Variants in LTBP2 observed in about 807,000 individuals in gnomAD.
LTBP2 encodes the protein latent transforming growth factor beta binding protein 2.
LTBP2 carries 103 observed loss-of-function variants against 210.6 expected under a neutral mutation model. That is an observed-to-expected ratio of 0.49 (90% CI 0.42 to 0.58). LTBP2 has a LOEUF of 0.58. Among genes scored for constraint, LTBP2 ranks in the 20% least tolerant of loss-of-function variants. LTBP2 has a pLI of 0.00. For missense variants in LTBP2, 2,313 were observed against 2,494.5 expected, an observed-to-expected ratio of 0.93 and a Z score of 1.55; for synonymous variants, 1,007 against 1,015.0, an observed-to-expected ratio of 0.99 and a Z score of 0.15.
rs2087208859 is a variant in LTBP2 at position 74,521,970 on chromosome 14, G to T, written c.2729C>A (p.Ser910Tyr). The T allele has an allele frequency of 6.2e-7, 1 of 1,614,198 alleles. No individual in the cohort carries two copies. Among genetic ancestry groups the T allele is most frequent in the Non-Finnish European group, 8.5e-7 (1 of 1,180,018 alleles). ...AGTGTAGCCAGGGTAGCAGAAGCAGGAGTAGGACCCCACGCGGTTGATGCA... is the reference window on the plus strand; with the variant it reads ...AGTGTAGCCAGGGTAGCAGAAGCAGTAGTAGGACCCCACGCGGTTGATGCA... ...GRCINRVGSY[S>Y]CFCYPGYTLA... The change falls in exon 17 of 36, where the codon TCC (serine) becomes TAC (tyrosine). Residue 910 changes from serine (S) to tyrosine (Y), a missense_variant. Coordinates refer to ENST00000261978, the MANE Select transcript of LTBP2 (RefSeq NM_000428.3).
At position 74,508,055 on chromosome 14, in the gene LTBP2, C is replaced by T. The variant is rs1026662166; in HGVS notation, c.3693G>A (p.Gly1231=). ...AGGAGCCCTCGGTGTTGACACAGTG[C>T]CCTCCCACACACGGGTCTGTGGTGG... The part of the protein sequence containing the change: ...ECATTDPCVG[G]HCVNTEGSFN... Residue 1231 remains glycine (G), a synonymous_variant, in exon 25 of 36, where the codon GGG becomes GGA. Coordinates refer to ENST00000261978, the MANE Select transcript of LTBP2 (RefSeq NM_000428.3). 3.1e-6 allele frequency: 5 copies of T among 1,613,804 alleles called. No homozygotes were observed. The highest frequency in any genetic ancestry group is 1.3e-5 in the African/African-American group (1 of 74,936).
chr14:74,507,287 C>T lies in LTBP2; in HGVS notation c.3799G>A (p.Gly1267Arg). 1 of 1,614,182 alleles carries T rather than the reference C, an allele frequency of 6.2e-7. No individual in the cohort carries two copies. Among genetic ancestry groups the T allele is most frequent in the Non-Finnish European group, 8.5e-7 (1 of 1,180,004 alleles). ...CVDIDECEDY[G>R]DPVCGTWKCE... Reference sequence around the variant, plus strand: ...TTCCAGGTGCCACACACCGGGTCTCCATAGTCCTCACACTCGTCAATATCT... The same window carrying T: ...TTCCAGGTGCCACACACCGGGTCTCTATAGTCCTCACACTCGTCAATATCT... The change falls in exon 26 of 36, where the codon GGA (glycine) becomes AGA (arginine). Residue 1267 changes from glycine (G) to arginine (R), a missense_variant. Gly to Arg is a moderately radical substitution (Grantham distance 125, BLOSUM62 -2). This residue lies in a region of LTBP2 where 1,867 missense variants were observed against 1,976.9 expected (regional missense o/e 0.94). Transcript: ENST00000261978.
intron 2 of LTBP2, among the ~76,000 whole-genome samples, chr14:74,593,259 C>T (rs2088306884): frequency 1.3e-5 from 2 of 152,152 alleles, no homozygotes; most frequent in South Asian, 4.1e-4. Context: ...GAAACAGCCC[C>T]TCCCGACCAC....
At chr14:74,533,326 T>C (rs896350696) in intron 9 of LTBP2, among the ~76,000 whole-genome samples, 1 of 152,184 alleles carries the variant, frequency 6.6e-6, no homozygotes, top group Non-Finnish European at 1.5e-5. Context: ...TTGGGGAAAT[T>C]GGCACTGGGC....
chr14:74,549,943 A>G lies in LTBP2; in HGVS notation c.1709T>C (p.Leu570Pro). 6.2e-7 allele frequency: 1 copy of G among 1,613,966 alleles called. No homozygotes were observed. The highest frequency in any genetic ancestry group is 8.5e-7 in the Non-Finnish European group (1 of 1,179,872). The change falls in exon 8 of 36, where the codon CTG (leucine) becomes CCG (proline). Residue 570 changes from leucine (L) to proline (P), a missense_variant. By Grantham distance (98) the Leu-to-Pro change is moderately conservative. Around this residue, in one of 3 missense-constraint regions of LTBP2, gnomAD observed 1,867 missense variants for 1,976.9 expected, o/e 0.94. Transcript: ENST00000261978. ...NGQCANPLLELTTQEDCCGSV... is the reference protein window; with the variant it reads ...NGQCANPLLEPTTQEDCCGSV... ...GCCACAGCAGTCCTCCTGGGTAGTC[A>G]GCTCCAGCAGAGGGTTGGCACACTG...
intron 12 of LTBP2, 120 bp from the exon 13 acceptor site, chr14:74,527,486 A>G: frequency 9.2e-7 from 1 of 1,081,684 alleles, no homozygotes; most frequent in Non-Finnish European, 1.4e-6. Context: ...CAGGGCCAGC[A>G]GCACAGAAAG....
At chr14:74,573,175 C>T (rs892565186) in intron 3 of LTBP2, among the ~76,000 whole-genome samples, 2 of 152,236 alleles carry the variant, frequency 1.3e-5, no homozygotes, top group African/African-American at 4.8e-5. Flanking sequence ...CGCTCACATG[C>T]CCTGGAGGCT....
At chr14:74,528,798 A>G in intron 11 of LTBP2, 100 bp from the exon 12 acceptor site, 1 of 1,527,028 alleles carries the variant, frequency 6.5e-7, no homozygotes, top group Non-Finnish European at 8.9e-7. Context: ...CAATTGTGGC[A>G]GCAAGGAGGG....
chr14:74,609,051 G>A (rs1239469455), intron 1 of LTBP2, among the ~76,000 whole-genome samples: 1 of 152,230 alleles, frequency 6.6e-6, no homozygotes, highest in Non-Finnish European at 1.5e-5. Context: ...GCAGTTCCAA[G>A]ATTCACCAGG....
In LTBP2 at chr14:74,500,507, A is replaced by G; in HGVS notation, c.*377T>C. On this transcript the variant is annotated 3_prime_UTR_variant, in exon 36 of 36. Coordinates refer to ENST00000261978, the MANE Select transcript of LTBP2 (RefSeq NM_000428.3). ...TCCCAGTTGTGGGATCGTCAGGATG[A>G]TGGTGGATTGTGGCTGGAAAGGGGT... 2.3e-6 allele frequency: 1 copy of G among 435,402 alleles called. No homozygotes were observed. Among genetic ancestry groups the G allele is most frequent in the South Asian group, 2.3e-5 (1 of 44,194 alleles). The allele number at this position is 435,402 out of a possible 1,614,324, so 27.0% of individuals were successfully genotyped here.
chr14:74,606,513 A>T (rs2088528920), intron 1 of LTBP2, among the ~76,000 whole-genome samples: 1 of 152,204 alleles, frequency 6.6e-6, no homozygotes, highest in Non-Finnish European at 1.5e-5. Flanking sequence ...AATCCTTTGC[A>T]TACTCCAAGA....
chr14:74,552,952 T>C lies in LTBP2; in HGVS notation c.1132A>G (p.Thr378Ala). The C allele has an allele frequency of 6.2e-7, 1 of 1,614,036 alleles. No homozygotes were observed. The highest frequency in any genetic ancestry group is 8.5e-7 in the Non-Finnish European group (1 of 1,179,976). The change falls in exon 5 of 36, where the codon ACC becomes GCC. Residue 378 changes from threonine (T) to alanine (A), a missense_variant. Thr to Ala is a moderately conservative substitution (Grantham distance 58). Around this residue, in one of 3 missense-constraint regions of LTBP2, gnomAD observed 1,867 missense variants for 1,976.9 expected, o/e 0.94. Transcript: ENST00000261978. ...CCGCCCTGGCTGTACAGGGTGGTGG[T>C]GTCGCCCCTCTCACAGCTGTTGGCA... ...HCANSCERGD[T>A]TTLYSQGGHG...
At chr14:74,560,650 G>A (rs955093641) in intron 3 of LTBP2, among the ~76,000 whole-genome samples, 3 of 152,166 alleles carry the variant, frequency 2.0e-5, no homozygotes, top group Admixed American at 6.6e-5. Flanking sequence ...TTCATAAATC[G>A]GGCTTCCAAA....
At chr14:74,576,761 C>T (rs1206546387) in intron 3 of LTBP2, among the ~76,000 whole-genome samples, 1 of 151,928 alleles carries the variant, frequency 6.6e-6, no homozygotes, top group Non-Finnish European at 1.5e-5. Context: ...TTCCTCTAAA[C>T]TATTTCCTCA....
chr14:74,591,887 G>A (rs148152699), intron 2 of LTBP2, among the ~76,000 whole-genome samples: 184 of 152,294 alleles, frequency 1.2e-3, no homozygotes, highest in African/African-American at 4.1e-3. Flanking sequence ...CTTTTGAGAT[G>A]ATGTCTTTTC....
Position 74,516,903 on chromosome 14 carries a change from C to T in LTBP2, c.2827G>A (p.Gly943Arg). 1 of 1,551,952 alleles carries T rather than the reference C, an allele frequency of 6.4e-7. No homozygotes were observed. The highest frequency in any genetic ancestry group is 2.4e-5 in the East Asian group (1 of 40,950). The change falls in exon 18 of 36, where the codon GGG (glycine) becomes AGG (arginine). Residue 943 changes from glycine (G) to arginine (R), a missense_variant. By Grantham distance (125) the Gly-to-Arg change is moderately radical. Coordinates refer to ENST00000261978, the MANE Select transcript of LTBP2 (RefSeq NM_000428.3). ...ECEQPGVCSG[G>R]QCTNTEGSYH... ...GAGCCCTCGGTGTTGGTGCACTGCC[C>T]CCCGCTGCACACCCCTGGCTGCTCA...
chr14:74,607,913 TG>T (rs1392078950), intron 1 of LTBP2, among the ~76,000 whole-genome samples: 8 of 151,586 alleles, frequency 5.3e-5, no homozygotes, highest in Non-Finnish European at 1.0e-4. Flanking sequence ...AACTAGACTA[TG>T]TTTTTTTTTT....
intron 2 of LTBP2, among the ~76,000 whole-genome samples, chr14:74,602,393 C>A (rs4899524): frequency 8.5e-5 from 13 of 152,150 alleles, no homozygotes; most frequent in African/African-American, 2.9e-4. Flanking sequence ...GCAGTAGCAG[C>A]AGCAGTGACA....
rs2086907809 is a variant in LTBP2, at chr14:74,501,344, A to AC, written c.5320+96dup. On this transcript the variant is annotated intron_variant, in intron 35 of 35. Transcript: ENST00000261978. The stretch of plus-strand genomic sequence containing the variant: ...CTTCCAGCCTGATGCAGACAGCCCC[A>AC]CTAGGAGGCAGCAGTGGCTCTTCCA... 4.2e-5 allele frequency: 65 copies of AC among 1,552,818 alleles called. No homozygotes were observed. The South Asian group carries it at 7.0e-4, about 17-fold the overall frequency.
Sources: allele counts gnomAD v4.1 joint callset (sites outside exome capture counted in the v4.1 genomes callset), GRCh38; gene constraint gnomAD v4.1.1; regional missense constraint gnomAD v4.1.1; transcripts MANE v1.5; gene names NCBI Gene and HGNC (gene_info 2026-07-23, HGNC 2026-07-21).